RUNX1T1: variants seen among roughly 807,000 people sequenced by gnomAD.
The protein encoded by RUNX1T1 is protein CBFA2T1.
In RUNX1T1, 4 loss-of-function variants were observed where a neutral mutation model predicts 62.8. The ratio of observed to expected loss-of-function variants is 0.06; its 90% CI spans 0.03 to 0.15. The LOEUF is 0.15. RUNX1T1 is among the 10% of genes least tolerant of loss of function. The pLI, the probability that RUNX1T1 is intolerant of heterozygous loss-of-function variation, is 1.00. For missense variants in RUNX1T1, 508 were observed against 754.3 expected, an observed-to-expected ratio of 0.67 and a Z score of 3.82; for synonymous variants, 291 against 286.0, an observed-to-expected ratio of 1.02 and a Z score of -0.18.
At chr8:92,033,477 G>C (rs1348992845) in intron 1 of RUNX1T1, among the ~76,000 whole-genome samples, 3 of 152,100 alleles carry the variant, frequency 2.0e-5, no homozygotes, top group Admixed American at 6.5e-5. Flanking sequence ...ATTCAGAATG[G>C]GGCAGAACTT....
At chr8:92,088,004 T>G (rs1836392810) in intron 1 of RUNX1T1, among the ~76,000 whole-genome samples, 1 of 152,226 alleles carries the variant, frequency 6.6e-6, no homozygotes, top group African/African-American at 2.4e-5. Context: ...GAGAATTCAT[T>G]GTCCACATTT....
chr8:91,996,243 C>G (rs187349196), intron 5 of RUNX1T1, among the ~76,000 whole-genome samples: 1 of 151,780 alleles, frequency 6.6e-6, no homozygotes, highest in African/African-American at 2.4e-5. Context: ...GCTCTGTCGC[C>G]CAGCCTGGAG....
At chr8:92,049,432 A>G (rs1829908072) in intron 1 of RUNX1T1, among the ~76,000 whole-genome samples, 1 of 152,178 alleles carries the variant, frequency 6.6e-6, no homozygotes, top group African/African-American at 2.4e-5. Flanking sequence ...TCCAGCAAGA[A>G]TACAGCAGCC....
chr8:91,975,729 G>A (rs1197990163), intron 9 of RUNX1T1, among the ~76,000 whole-genome samples, 176 bp downstream of exon 10: 1 of 152,144 alleles, frequency 6.6e-6, no homozygotes, highest in Non-Finnish European at 1.5e-5. Flanking sequence ...TTGTAATCAG[G>A]CCTGGTTTAA....
Position 92,095,369 on chromosome 8 carries a change from G to A in RUNX1T1, c.-86+4211C>T. On this transcript the variant is annotated intron_variant, in intron 1 of 11. Transcript: ENST00000265814. ...TACCTTCTGGCAAAGGAGCGCGGGA[G>A]AGCGGCCGCGGCCGAGGCGGCACCC... is the stretch of plus-strand genomic sequence containing the variant. The A allele has an allele frequency of 2.0e-6, 3 of 1,535,436 alleles. No individual in the cohort carries two copies. The South Asian group carries it at 3.6e-5, about 18-fold the overall frequency.
chr8:92,087,512 T>A (rs532342839), intron 1 of RUNX1T1, among the ~76,000 whole-genome samples: 1 of 152,258 alleles, frequency 6.6e-6, no homozygotes, highest in African/African-American at 2.4e-5. Flanking sequence ...AAGCTTAAAT[T>A]CCAATTCACA....
intron 10 of RUNX1T1, among the ~76,000 whole-genome samples, chr8:91,962,431 T>C (rs1468720040): frequency 6.6e-6 from 1 of 152,206 alleles, no homozygotes; most frequent in Non-Finnish European, 1.5e-5. Context: ...AAGTTAAAAT[T>C]TGAATGAATA....
intron 1 of RUNX1T1, among the ~76,000 whole-genome samples, chr8:92,047,603 A>G (rs1219689588): frequency 6.6e-6 from 1 of 152,202 alleles, no homozygotes; most frequent in Non-Finnish European, 1.5e-5. Context: ...AAAGTATAGC[A>G]TGTATTAAGA....
At chr8:92,028,313 C>G (rs1825643802) in intron 1 of RUNX1T1, among the ~76,000 whole-genome samples, 1 of 151,268 alleles carries the variant, frequency 6.6e-6, no homozygotes, top group Non-Finnish European at 1.5e-5. Context: ...AAATAATACT[C>G]ATTTCATGAA....
chr8:92,079,333 ATAG>A (rs1360371702), intron 1 of RUNX1T1, among the ~76,000 whole-genome samples: 1 of 152,240 alleles, frequency 6.6e-6, no homozygotes, highest in Admixed American at 6.5e-5. Context: ...GGAACCTGTT[ATAG>A]CATATCTGAC....
chr8:92,102,930 C>G (rs1838108529), upstream of RUNX1T1: 7 of 1,507,388 alleles, frequency 4.6e-6, no homozygotes, highest in Admixed American at 1.5e-4. This position sits in a 1 kb window ranked among gnomAD's most constrained non-coding sequence, Gnocchi z 4.5. Context: ...GTCGTCTCGG[C>G]CGGCCCGCGG....
upstream of RUNX1T1, among the ~76,000 whole-genome samples, chr8:92,067,360 G>A (rs1833022850): frequency 6.6e-6 from 1 of 152,180 alleles, no homozygotes; most frequent in Admixed American, 6.5e-5. Flanking sequence ...CAAGTGGCAG[G>A]CTGAGAGCTA....
intron 3 of RUNX1T1, 45 bp downstream of exon 4, chr8:92,014,534 C>G (rs774452289): frequency 6.5e-7 from 1 of 1,540,462 alleles, no homozygotes; most frequent in Non-Finnish European, 8.8e-7. Context: ...CCCACCCACA[C>G]TATCCCTTAC....
At chr8:92,095,326 T>C (rs1394137448) in intron 1 of RUNX1T1, 1 of 1,530,562 alleles carries the variant, frequency 6.5e-7, no homozygotes, top group Non-Finnish European at 8.7e-7. Context: ...CTCGCCTCCC[T>C]CCCCTGTTCA....
intron 1 of RUNX1T1, among the ~76,000 whole-genome samples, chr8:92,099,295 A>C: frequency 6.6e-6 from 1 of 152,204 alleles, no homozygotes; most frequent in African/African-American, 2.4e-5. Flanking sequence ...TTATGCATTT[A>C]ACTTCTGATA....
At chr8:92,035,885 C>G (rs1827326342) in intron 1 of RUNX1T1, among the ~76,000 whole-genome samples, 1 of 151,914 alleles carries the variant, frequency 6.6e-6, no homozygotes, top group Admixed American at 6.6e-5. Context: ...ATTGGGGAAC[C>G]TAGAACCATA....
In RUNX1T1 at chr8:91,959,412, T is replaced by G. The variant is rs544589871; in HGVS notation, c.*830A>C. ...ATTAACTGCAGGCTGAGTCTCTTAC[T>G]TGTGTGTGTGTGTGTGTGTGTGTGT... On this transcript the variant is annotated 3_prime_UTR_variant, in exon 11 of 11. Coordinates refer to ENST00000396218, the Ensembl canonical transcript of RUNX1T1. 2.3e-3 allele frequency: 316 copies of G among 139,446 alleles called. 5 individuals are homozygous for G. The highest frequency in any genetic ancestry group is 0.016 in the East Asian group (185 of 11,630). The allele number at this position is 139,446 out of a possible 1,614,324, so 8.6% of individuals were successfully genotyped here.
intron 8 of RUNX1T1, among the ~76,000 whole-genome samples, chr8:91,984,585 A>G (rs1367028936): frequency 6.6e-6 from 1 of 152,190 alleles, no homozygotes; most frequent in African/African-American, 2.4e-5. Flanking sequence ...TACTGACTCA[A>G]TGAATGTGTT....
chr8:92,078,730 A>G (rs1030777224), intron 1 of RUNX1T1, among the ~76,000 whole-genome samples: 1 of 152,248 alleles, frequency 6.6e-6, no homozygotes, highest in African/African-American at 2.4e-5. Context: ...GAACTCTGCT[A>G]TATAAAGGAT....
Sources: gnomAD v4.1 joint callset for allele counts (sites outside exome capture counted in the v4.1 genomes callset) on GRCh38, gnomAD v4.1.1 for gene constraint, Gnocchi (gnomAD v3.1) non-coding constraint, MANE v1.5 for transcripts, NCBI Gene and HGNC (gene_info 2026-07-23, HGNC 2026-07-21) for gene names.